ZNF804B: variants seen among roughly 807,000 people sequenced by gnomAD.
ZNF804B encodes the protein zinc finger protein 804B.
ZNF804B carries 80 observed loss-of-function variants against 101.4 expected under a neutral mutation model. That is an observed-to-expected ratio of 0.79 (90% CI 0.66 to 0.95). ZNF804B has a LOEUF of 0.95. ZNF804B is among the 40% of genes least tolerant of loss of function. The pLI is 0.00. For synonymous variants in ZNF804B, 622 were observed against 558.8 expected (o/e 1.11, Z -1.59); for missense variants, 1,673 against 1,561.9 (o/e 1.07, Z -1.20).
At chr7:89,196,250 A>T (rs970088024) in intron 1 of ZNF804B, among the ~76,000 whole-genome samples, 1 of 152,082 alleles carries the variant, frequency 6.6e-6, no homozygotes, top group African/African-American at 2.4e-5. Context: ...AAATAAGGCC[A>T]CACACTTAAA....
At chr7:89,111,636 G>T (rs531221949) in intron 1 of ZNF804B, among the ~76,000 whole-genome samples, 1 of 152,084 alleles carries the variant, frequency 6.6e-6, no homozygotes, top group African/African-American at 2.4e-5. Context: ...TATGTGTTTT[G>T]CAAATATTTT....
intron 1 of ZNF804B, among the ~76,000 whole-genome samples, chr7:88,778,868 G>A (rs925368579): frequency 6.6e-6 from 1 of 152,208 alleles, no homozygotes; most frequent in Non-Finnish European, 1.5e-5. Flanking sequence ...GGAATGTGCA[G>A]TCTAGCATGG....
chr7:89,115,498 G>T (rs2116358484), intron 1 of ZNF804B, among the ~76,000 whole-genome samples: 1 of 152,230 alleles, frequency 6.6e-6, no homozygotes, highest in Middle Eastern at 3.4e-3. Context: ...TAGGAGACAG[G>T]GTCATACAGT....
At chr7:89,209,479 T>G (rs1462277606) in intron 1 of ZNF804B, among the ~76,000 whole-genome samples, 3 of 152,186 alleles carry the variant, frequency 2.0e-5, no homozygotes, top group African/African-American at 4.8e-5. Context: ...GGAACAGCAT[T>G]GGAAAACAAG....
chr7:88,905,871 GC>G (rs1178874675), intron 1 of ZNF804B, among the ~76,000 whole-genome samples: 10 of 146,584 alleles, frequency 6.8e-5, no homozygotes, highest in Admixed American at 1.4e-4. Context: ...GTAGAATTCA[GC>G]TGTTAATCCA....
chr7:89,259,593 C>A (rs1029876517), intron 2 of ZNF804B, among the ~76,000 whole-genome samples: 1 of 152,090 alleles, frequency 6.6e-6, no homozygotes, highest in African/African-American at 2.4e-5. Flanking sequence ...GTGTAATGAG[C>A]CTTAAGCGTC....
intron 1 of ZNF804B, among the ~76,000 whole-genome samples, chr7:89,018,204 T>A (rs919184112): frequency 6.6e-6 from 1 of 152,136 alleles, no homozygotes; most frequent in Non-Finnish European, 1.5e-5. Context: ...ATATCCAGTT[T>A]GTTGAGAATT....
chr7:89,159,818 A>G (rs1220270057), intron 1 of ZNF804B, among the ~76,000 whole-genome samples: 1 of 152,152 alleles, frequency 6.6e-6, no homozygotes, highest in Non-Finnish European at 1.5e-5. Flanking sequence ...GCTTTCGTCT[A>G]GGGAAGGTTA....
At chr7:88,781,923 G>C (rs530090893) in intron 1 of ZNF804B, among the ~76,000 whole-genome samples, 2 of 152,318 alleles carry the variant, frequency 1.3e-5, no homozygotes, top group East Asian at 3.9e-4. Context: ...GGTAGAAAAT[G>C]TCTCCAGGCC....
chr7:89,316,493 G>A (rs1790727521), intron 2 of ZNF804B, among the ~76,000 whole-genome samples: 1 of 151,854 alleles, frequency 6.6e-6, no homozygotes, highest in Admixed American at 6.6e-5. Context: ...CACTTTTTTG[G>A]GGAGATTGCA....
rs557875972 is a variant in ZNF804B at position 88,870,337 on chromosome 7, A to T, written c.108+110253A>T. 3.0e-3 allele frequency among the ~76,000 whole-genome samples: 415 copies of T among 138,094 alleles called. 3 individuals are homozygous for T. The highest frequency in any genetic ancestry group is 3.4e-3 in the Non-Finnish European group (222 of 65,332). 90.6% of individuals were successfully genotyped at this position (138,094 alleles called of 152,430 possible). On this transcript the variant is annotated intron_variant, in intron 1 of 3. Transcript: ENST00000333190. Reference sequence around the variant, plus strand: ...GAGGCGGAGCTTGCAGTGAGTCGAGATCGCGCCACTGCACTCCAGCCTGGG... The same window carrying T: ...GAGGCGGAGCTTGCAGTGAGTCGAGTTCGCGCCACTGCACTCCAGCCTGGG...
chr7:89,102,908 C>T (rs1214954567), intron 1 of ZNF804B, among the ~76,000 whole-genome samples: 1 of 151,738 alleles, frequency 6.6e-6, no homozygotes, highest in African/African-American at 2.4e-5. Context: ...ATATGGCTAG[C>T]CAGTTTTCAC....
chr7:89,136,736 AGTGTGTGTGTGTGTGT>A (rs3059353), intron 1 of ZNF804B, among the ~76,000 whole-genome samples: 6 of 145,574 alleles, frequency 4.1e-5, no homozygotes, highest in Non-Finnish European at 1.5e-5. Context: ...TGTGTGTGTG[AGTGTGTGTGTGTGTGT>A]GTGTGTGTGT....
At chr7:88,867,504 C>G (rs1046760221) in intron 1 of ZNF804B, among the ~76,000 whole-genome samples, 1 of 152,188 alleles carries the variant, frequency 6.6e-6, no homozygotes, top group East Asian at 1.9e-4. Flanking sequence ...GCATGCTTCA[C>G]TAATTGAATG....
At chr7:88,938,454 T>C (rs1208279217) in intron 1 of ZNF804B, among the ~76,000 whole-genome samples, 1 of 152,008 alleles carries the variant, frequency 6.6e-6, no homozygotes, top group East Asian at 1.9e-4. Flanking sequence ...CAAATAAACA[T>C]GTTTTGGGGT....
chr7:89,114,247 C>G (rs1300442552), intron 1 of ZNF804B, among the ~76,000 whole-genome samples: 1 of 152,094 alleles, frequency 6.6e-6, no homozygotes, highest in African/African-American at 2.4e-5. Flanking sequence ...AATAAATGTT[C>G]AAGAAAATAT....
intron 2 of ZNF804B, among the ~76,000 whole-genome samples, chr7:89,251,392 CCAAGGAAGTGAAAGAAA>C (rs1296194151): frequency 6.6e-6 from 1 of 151,972 alleles, no homozygotes; most frequent in East Asian, 1.9e-4. Context: ...ATACATCTAA[CCAAGGAAGTGAAAGAAA>C]CAAGACATCT....
At chr7:89,311,654 G>A (rs1254146230) in intron 2 of ZNF804B, among the ~76,000 whole-genome samples, 1 of 152,124 alleles carries the variant, frequency 6.6e-6, no homozygotes, top group African/African-American at 2.4e-5. Flanking sequence ...TCACATGTAT[G>A]TTCTTATCAT....
chr7:89,055,841 C>G (rs540193333), intron 1 of ZNF804B, among the ~76,000 whole-genome samples: 1 of 152,166 alleles, frequency 6.6e-6, no homozygotes, highest in South Asian at 2.1e-4. Context: ...TATGCAGATT[C>G]ATTTCCTCAA....
Sources: allele counts gnomAD v4.1 joint callset (sites outside exome capture counted in the v4.1 genomes callset), GRCh38; gene constraint gnomAD v4.1.1; transcripts MANE v1.5; gene names NCBI Gene and HGNC (gene_info 2026-07-23, HGNC 2026-07-21).